Variants in ARMC1 observed in about 807,000 individuals in gnomAD.
ARMC1 encodes the protein armadillo repeat-containing protein 1.
Under a neutral mutation model 31.4 loss-of-function variants are expected in ARMC1, and 16 were observed. That is an observed-to-expected ratio of 0.51 (90% CI 0.34 to 0.77). The LOEUF is 0.77. Among genes scored for constraint, ARMC1 ranks in the 30% least tolerant of loss-of-function variants. The pLI, the probability that ARMC1 is intolerant of heterozygous loss-of-function variation, is 0.01. For missense variants in ARMC1, 259 were observed against 347.5 expected (o/e 0.75, Z 2.02); for synonymous variants, 114 against 118.9 (o/e 0.96, Z 0.27).
At chr8:65,609,798 C>A (rs1407944187) in intron 4 of ARMC1, among the ~76,000 whole-genome samples, 1 of 137,192 alleles carries the variant, frequency 7.3e-6, no homozygotes, top group Non-Finnish European at 1.5e-5. Flanking sequence ...GCAAAGGTTG[C>A]AGTAAGCCGA....
intron 1 of ARMC1, among the ~76,000 whole-genome samples, chr8:65,629,752 TTG>T (rs1808596633): frequency 2.7e-5 from 4 of 147,310 alleles, no homozygotes; most frequent in Non-Finnish European, 4.4e-5. Context: ...TGAGCCGAGA[TTG>T]TACCACTGCA....
At chr8:65,611,270 G>A (rs1808134408) in intron 4 of ARMC1, among the ~76,000 whole-genome samples, 1 of 151,926 alleles carries the variant, frequency 6.6e-6, no homozygotes, top group Admixed American at 6.6e-5. Flanking sequence ...GATCTATAGT[G>A]GTATCCTCTC....
chr8:65,626,290 G>A (rs1211834899), intron 2 of ARMC1, among the ~76,000 whole-genome samples: 1 of 151,866 alleles, frequency 6.6e-6, no homozygotes, highest in African/African-American at 2.4e-5. Flanking sequence ...GAGTGTTGGG[G>A]TCTGGGAAGC....
intron 1 of ARMC1, among the ~76,000 whole-genome samples, chr8:65,629,925 A>T (rs1250099472): frequency 1.3e-5 from 2 of 151,926 alleles, no homozygotes; most frequent in Non-Finnish European, 2.9e-5. Flanking sequence ...CGGGTGGATC[A>T]CCTGAAGTCA....
intron 4 of ARMC1, among the ~76,000 whole-genome samples, chr8:65,612,003 C>A (rs1808152787): frequency 6.6e-6 from 1 of 152,076 alleles, no homozygotes; most frequent in Admixed American, 6.6e-5. Flanking sequence ...AACTCCTGAC[C>A]TCATGATCCA....
At chr8:65,622,091 C>T (rs1349370612) in intron 3 of ARMC1, among the ~76,000 whole-genome samples, 172 bp downstream of exon 3, 2 of 152,174 alleles carry the variant, frequency 1.3e-5, no homozygotes, top group African/African-American at 4.8e-5. Context: ...AACTACAGGA[C>T]ATTAAAACAT....
intron 4 of ARMC1, 35 bp from the exon 5 acceptor site, chr8:65,605,573 G>A (rs1321160612): frequency 2.1e-6 from 3 of 1,417,560 alleles, no homozygotes; most frequent in African/African-American, 1.4e-5. Context: ...ATGAAAATAG[G>A]TAAATAAAAG....
intron 3 of ARMC1, 37 bp downstream of exon 3, chr8:65,622,226 G>C (rs778354797): frequency 1.3e-6 from 2 of 1,493,098 alleles, no homozygotes; most frequent in Admixed American, 3.4e-5. Flanking sequence ...ATATAAGTAA[G>C]TATATAAATA....
intron 3 of ARMC1, among the ~76,000 whole-genome samples, chr8:65,620,142 C>T (rs1428134258): frequency 4.0e-5 from 6 of 150,726 alleles, no homozygotes; most frequent in Admixed American, 1.3e-4. Context: ...AAAAAAAAGA[C>T]AAGAAAAGAA....
At chr8:65,623,307 CAAAA>C (rs71245496) in intron 2 of ARMC1, among the ~76,000 whole-genome samples, 2 of 38,338 alleles carry the variant, frequency 5.2e-5, no homozygotes, top group Non-Finnish European at 8.4e-5. Flanking sequence ...GACTCCGTCT[CAAAA>C]AAAAAAAAAA....
At chr8:65,629,929 G>T (rs1808604282) in intron 1 of ARMC1, among the ~76,000 whole-genome samples, 1 of 151,962 alleles carries the variant, frequency 6.6e-6, no homozygotes, top group African/African-American at 2.4e-5. Context: ...TGGATCACCT[G>T]AAGTCAGGAG....
chr8:65,631,304 G>A (rs1202407402), intron 1 of ARMC1, among the ~76,000 whole-genome samples: 1 of 152,118 alleles, frequency 6.6e-6, no homozygotes, highest in African/African-American at 2.4e-5. Context: ...GTACGATTTC[G>A]GCTTATCACA....
intron 1 of ARMC1, among the ~76,000 whole-genome samples, chr8:65,629,418 A>G (rs1808587398): frequency 6.6e-6 from 1 of 152,208 alleles, no homozygotes; most frequent in Non-Finnish European, 1.5e-5. Context: ...CAAAATGAGG[A>G]GATGAGGATC....
intron 1 of ARMC1, among the ~76,000 whole-genome samples, chr8:65,631,123 G>T (rs1210212777): frequency 6.6e-6 from 1 of 152,070 alleles, no homozygotes; most frequent in East Asian, 1.9e-4. Context: ...AAATTAGAAG[G>T]GTTTTATGTA....
At chr8:65,630,623 A>T (rs973745101) in intron 1 of ARMC1, among the ~76,000 whole-genome samples, 9 of 152,182 alleles carry the variant, frequency 5.9e-5, no homozygotes, top group Non-Finnish European at 1.0e-4. Flanking sequence ...GTTTGCGACC[A>T]GCCTGGCCAG....
At chr8:65,620,340 C>T (rs566000514) in intron 3 of ARMC1, among the ~76,000 whole-genome samples, 13 of 122,860 alleles carry the variant, frequency 1.1e-4, no homozygotes, top group South Asian at 7.5e-4. Flanking sequence ...CTCATTCTGT[C>T]GCCCAGGCTA....
chr8:65,617,137 T>A (rs1243774565), intron 3 of ARMC1, among the ~76,000 whole-genome samples: 1 of 152,208 alleles, frequency 6.6e-6, no homozygotes, highest in Admixed American at 6.5e-5. Context: ...AACAGCTCAT[T>A]GAGAACGGGC....
intron 3 of ARMC1, 114 bp from the exon 4 acceptor site, chr8:65,613,547 A>C (rs1454930913): frequency 3.2e-6 from 2 of 626,242 alleles, no homozygotes; most frequent in Non-Finnish European, 5.3e-6. Flanking sequence ...TTCAATTTAA[A>C]AGCAATAGCA....
intron 4 of ARMC1, among the ~76,000 whole-genome samples, chr8:65,606,360 C>CAAA (rs11437403): frequency 4.3e-5 from 5 of 116,002 alleles, no homozygotes; most frequent in African/African-American, 9.5e-5. Flanking sequence ...GACACCATCT[C>CAAA]AAAAAAAAAA....
Sources: gnomAD v4.1 joint callset for allele counts (sites outside exome capture counted in the v4.1 genomes callset) on GRCh38, gnomAD v4.1.1 for gene constraint, MANE v1.5 for transcripts, NCBI Gene and HGNC (gene_info 2026-07-23, HGNC 2026-07-21) for gene names.